TMEM232: variants seen among roughly 807,000 people sequenced by gnomAD.
The protein encoded by TMEM232 is transmembrane protein 232.
In TMEM232, 80 loss-of-function variants were observed where a neutral mutation model predicts 78.8. The ratio of observed to expected loss-of-function variants is 1.01; its 90% CI spans 0.85 to 1.22. TMEM232 has a LOEUF of 1.22. Ranked by LOEUF, TMEM232 falls within the 50% of genes most tolerant of loss-of-function variation. TMEM232 has a pLI of 0.00. For missense variants in TMEM232, 881 were observed against 742.2 expected (o/e 1.19, Z -2.17); for synonymous variants, 297 against 254.3 (o/e 1.17, Z -1.60).
rs576088325 is a variant in TMEM232 at position 110,531,158 on chromosome 5, G to A, written c.1456-2323C>T. Among the ~76,000 whole-genome samples, 713 of 150,298 alleles carry A rather than the reference G, an allele frequency of 4.7e-3. 8 individuals are homozygous for A. The highest frequency in any genetic ancestry group is 4.1e-3 in the Non-Finnish European group (277 of 67,736). Reference sequence around the variant, plus strand: ...CACCCTGTGACCCCCACTTCTGCCCGCCAGAGAACAACCCCCCTTTTTCCT... The same window carrying A: ...CACCCTGTGACCCCCACTTCTGCCCACCAGAGAACAACCCCCCTTTTTCCT... On this transcript the variant is annotated intron_variant, in intron 11 of 13. Coordinates refer to ENST00000455884, the MANE Select transcript of TMEM232 (RefSeq NM_001039763.4).
intron 12 of TMEM232, among the ~76,000 whole-genome samples, chr5:110,432,413 T>G (rs973630051): frequency 6.6e-6 from 1 of 151,598 alleles, no homozygotes; most frequent in Non-Finnish European, 1.5e-5. Context: ...GAATGAAGTT[T>G]TTCCCAAACA....
chr5:110,391,291 ATGTG>A (rs369913835), intron 3 of TMEM232, among the ~76,000 whole-genome samples: 46 of 130,656 alleles, frequency 3.5e-4, no homozygotes, highest in African/African-American at 1.2e-3. Context: ...TCCCGTTTGA[ATGTG>A]TGTGTGTGTG....
chr5:110,659,419 G>T (rs1013064714), intron 2 of TMEM232, among the ~76,000 whole-genome samples: 2 of 152,102 alleles, frequency 1.3e-5, no homozygotes, highest in Admixed American at 6.6e-5. Flanking sequence ...AACTCAGGCA[G>T]TGAATTTAGT....
chr5:110,552,308 T>C (rs1404434190), intron 11 of TMEM232, among the ~76,000 whole-genome samples: 1 of 152,014 alleles, frequency 6.6e-6, no homozygotes, highest in Non-Finnish European at 1.5e-5. Context: ...AATACAATGA[T>C]AAAAATATTT....
intron 10 of TMEM232, among the ~76,000 whole-genome samples, chr5:110,592,311 T>G (rs939402854): frequency 1.3e-5 from 2 of 152,194 alleles, no homozygotes; most frequent in African/African-American, 4.8e-5. Context: ...ACCTAAATTT[T>G]CAACATGTTA....
chr5:110,596,009 T>C (rs1420324291), intron 10 of TMEM232, among the ~76,000 whole-genome samples: 3 of 152,102 alleles, frequency 2.0e-5, no homozygotes, highest in Admixed American at 6.6e-5. Context: ...GGAAAAATTG[T>C]TAAGGGCAGC....
At chr5:110,642,503 C>CA (rs561350320) in intron 2 of TMEM232, 132 bp from the exon 3 acceptor site, 116 of 592,330 alleles carry the variant, frequency 2.0e-4, no homozygotes, top group African/African-American at 3.5e-4. Flanking sequence ...CTGTTTCACA[C>CA]AAAAAAAATC....
chr5:110,443,581 A>C (rs1429078229), intron 12 of TMEM232, among the ~76,000 whole-genome samples: 1 of 152,082 alleles, frequency 6.6e-6, no homozygotes, highest in Non-Finnish European at 1.5e-5. Flanking sequence ...ACTCTACACC[A>C]CTGTTGCCAA....
chr5:110,696,268 A>C (rs112798905), intron 1 of TMEM232, among the ~76,000 whole-genome samples: 1 of 152,192 alleles, frequency 6.6e-6, no homozygotes, highest in African/African-American at 2.4e-5. Flanking sequence ...CATGCTAAAA[A>C]CTATCAATAA....
chr5:110,395,304 G>A (rs909318190), intron 3 of TMEM232, among the ~76,000 whole-genome samples: 8 of 152,076 alleles, frequency 5.3e-5, no homozygotes, highest in African/African-American at 1.9e-4. Context: ...ACATTTTTCA[G>A]GATTTTTACT....
chr5:110,712,506 C>T (rs1796596016), intron 1 of TMEM232, among the ~76,000 whole-genome samples: 1 of 152,076 alleles, frequency 6.6e-6, no homozygotes, highest in South Asian at 2.1e-4. Context: ...TGTTCAACAT[C>T]ATTGATCATC....
chr5:110,510,205 C>T (rs1767556178), intron 12 of TMEM232, among the ~76,000 whole-genome samples: 1 of 152,128 alleles, frequency 6.6e-6, no homozygotes, highest in African/African-American at 2.4e-5. Context: ...AATTTTGAAA[C>T]TCACTGCCTA....
intron 12 of TMEM232, among the ~76,000 whole-genome samples, chr5:110,462,240 G>A (rs1185611784): frequency 6.6e-6 from 1 of 152,150 alleles, no homozygotes; most frequent in Non-Finnish European, 1.5e-5. Context: ...GTTGATTCCA[G>A]CCTTTACGGA....
At chr5:110,459,506 T>A (rs1049556150) in intron 12 of TMEM232, among the ~76,000 whole-genome samples, 2 of 152,022 alleles carry the variant, frequency 1.3e-5, no homozygotes, top group Non-Finnish European at 2.9e-5. Flanking sequence ...AAAATGAAAT[T>A]GAAATTAATT....
At chr5:110,533,373 A>G (rs1771842087) in intron 11 of TMEM232, among the ~76,000 whole-genome samples, 1 of 152,102 alleles carries the variant, frequency 6.6e-6, no homozygotes, top group African/African-American at 2.4e-5. Context: ...TTTCCTTCCT[A>G]GACATAGTTA....
At chr5:110,491,015 T>C (rs866897671) in intron 12 of TMEM232, among the ~76,000 whole-genome samples, 22 of 152,062 alleles carry the variant, frequency 1.4e-4, no homozygotes, top group Admixed American at 3.3e-4. Context: ...GTACTTAAGA[T>C]AAACCCTATC....
At chr5:110,727,244 A>G (rs185142192), upstream of TMEM232, among the ~76,000 whole-genome samples, 1 of 152,360 alleles carries the variant, frequency 6.6e-6, no homozygotes, top group East Asian at 1.9e-4. Context: ...ACTAACGAGC[A>G]ACTGTATATA....
At chr5:110,427,513 CT>C (rs1397605637) in intron 12 of TMEM232, among the ~76,000 whole-genome samples, 21 of 151,802 alleles carry the variant, frequency 1.4e-4, no homozygotes, top group African/African-American at 4.8e-4. Context: ...TAGAGAGAGA[CT>C]TTTCAAGAAA....
chr5:110,556,872 C>G (rs1473077152), intron 11 of TMEM232, among the ~76,000 whole-genome samples: 1 of 152,096 alleles, frequency 6.6e-6, no homozygotes, highest in Non-Finnish European at 1.5e-5. Flanking sequence ...TGATGGTCAT[C>G]TTGTATAGCA....
Sources: allele counts gnomAD v4.1 joint callset (sites outside exome capture counted in the v4.1 genomes callset), GRCh38; gene constraint gnomAD v4.1.1; transcripts MANE v1.5; gene names NCBI Gene and HGNC (gene_info 2026-07-23, HGNC 2026-07-21).